Variants in CASD1 observed in about 807,000 individuals in gnomAD.
CASD1 encodes N-acetylneuraminate (7)9-O-acetyltransferase.
A neutral mutation model predicts 100.0 loss-of-function variants in CASD1; 41 were observed. That is an observed-to-expected ratio of 0.41 (90% CI 0.32 to 0.53). The LOEUF is 0.53. CASD1 is among the 20% of genes least tolerant of loss of function. CASD1 has a pLI of 0.25. For synonymous variants in CASD1, 321 were observed against 315.6 expected, an observed-to-expected ratio of 1.02 and a Z score of -0.18; for missense variants, 774 against 948.7, an observed-to-expected ratio of 0.82 and a Z score of 2.42.
chr7:94,577,013 G>T, the CASD1 span, among the ~76,000 whole-genome samples: 287 of 152,006 alleles, frequency 1.9e-3, 1 homozygote, highest in African/African-American at 6.8e-3. Flanking sequence ...TCTTTTTATT[G>T]ATATTCTCTA....
downstream of CASD1, among the ~76,000 whole-genome samples, chr7:94,562,009 A>G (rs971970273): frequency 3.9e-5 from 6 of 152,274 alleles, 1 homozygote; most frequent in Admixed American, 3.9e-4. Context: ...AAACAATTCT[A>G]TGAAACTCAT....
intron 1 of CASD1, among the ~76,000 whole-genome samples, chr7:94,511,853 G>A (rs944036806): frequency 5.3e-5 from 8 of 152,280 alleles, no homozygotes; most frequent in African/African-American, 1.9e-4. Flanking sequence ...TCTGTCATCA[G>A]CAGGGAGAAT....
chr7:94,618,974 G>C, the CASD1 span: 62 of 1,537,742 alleles, frequency 4.0e-5, no homozygotes, highest in Non-Finnish European at 5.5e-5. Flanking sequence ...TGGTGAAAAA[G>C]GGCATGCATA....
intron 5 of CASD1, among the ~76,000 whole-genome samples, chr7:94,531,706 AT>A (rs1794861327): frequency 6.6e-6 from 1 of 150,820 alleles, no homozygotes; most frequent in African/African-American, 2.5e-5. Context: ...GTAAGCATGT[AT>A]TACCTTTATA....
At chr7:94,563,324 G>A in the CASD1 span, among the ~76,000 whole-genome samples, 1 of 152,134 alleles carries the variant, frequency 6.6e-6, no homozygotes. Context: ...CCTCTGTGGA[G>A]ATAATAGTTA....
intron 14 of CASD1, among the ~76,000 whole-genome samples, chr7:94,551,101 C>G (rs1404327744): frequency 6.6e-6 from 1 of 152,010 alleles, no homozygotes; most frequent in Non-Finnish European, 1.5e-5. Context: ...TCAGAATCAA[C>G]CAGTGTTATC....
intron 17 of CASD1, among the ~76,000 whole-genome samples, 197 bp from the exon 18 acceptor site, chr7:94,555,295 A>C (rs1388884433): frequency 6.6e-6 from 1 of 152,018 alleles, no homozygotes; most frequent in East Asian, 1.9e-4. Flanking sequence ...CTCATTTATA[A>C]GAGAGATTGT....
chr7:94,546,148 T>C (rs1227530689), intron 12 of CASD1, among the ~76,000 whole-genome samples: 2 of 151,908 alleles, frequency 1.3e-5, no homozygotes, highest in Non-Finnish European at 1.5e-5. Context: ...TTTGCAAAAG[T>C]CTTCTTATGT....
Position 94,537,784 on chromosome 7 carries a change from C to T in CASD1, c.1156C>T (p.Arg386Cys), listed in dbSNP as rs17855797. 75 of 1,612,906 alleles carry T rather than the reference C, an allele frequency of 4.6e-5. No individual in the cohort carries two copies. The South Asian group carries it at 6.8e-4, about 15-fold the overall frequency. The change falls in exon 9 of 18, where the codon CGT (arginine) becomes TGT (cysteine). Residue 386 changes from arginine to cysteine, a missense_variant. Transcript: ENST00000297273. ...LIMAYFYMCD[R>C]ANLFMKENKF... Reference sequence around the variant, plus strand: ...TATGGCATATTTCTATATGTGTGACCGTGCAAATCTGTTCATGAAGGAAAA... The same window carrying T: ...TATGGCATATTTCTATATGTGTGACTGTGCAAATCTGTTCATGAAGGAAAA...
chr7:94,585,137 A>T, the CASD1 span: 5 of 208,280 alleles, frequency 2.4e-5, no homozygotes, highest in Admixed American at 5.3e-5. Context: ...GTGGAATGAG[A>T]ATGAACACAT....
intron 13 of CASD1, 81 bp from the exon 14 acceptor site, chr7:94,549,452 A>G (rs1204709544): frequency 8.3e-6 from 8 of 964,662 alleles, no homozygotes; most frequent in Non-Finnish European, 1.2e-5. Context: ...CAAACTTCAG[A>G]AAACTATAAT....
chr7:94,566,364 TAAACA>T, the CASD1 span, among the ~76,000 whole-genome samples: 5 of 151,484 alleles, frequency 3.3e-5, no homozygotes, highest in Non-Finnish European at 5.9e-5. Context: ...CTCAAGCATA[TAAACA>T]AAAGAAAGCA....
Position 94,533,187 on chromosome 7 carries a change from A to G in CASD1, c.460-18A>G. The G allele has an allele frequency of 6.3e-7, 1 of 1,593,826 alleles. No homozygotes were observed. The highest frequency in any genetic ancestry group is 8.6e-7 in the Non-Finnish European group (1 of 1,164,232). On this transcript the variant is annotated intron_variant, in intron 5 of 17. Transcript: ENST00000297273. ...TGAACTGATTATAATACTATGATAA[A>G]GATTTGTCTTCCTTTAGGATTCCAT...
At chr7:94,545,791 A>C (rs1795649295) in intron 12 of CASD1, 90 bp downstream of exon 12, 2 of 780,886 alleles carry the variant, frequency 2.6e-6, no homozygotes, top group South Asian at 2.1e-5. Flanking sequence ...ATTTTTATTA[A>C]GTGATGTAGA....
At chr7:94,617,445 A>G in the CASD1 span, 2 of 152,242 alleles carry the variant, frequency 1.3e-5, no homozygotes, top group East Asian at 1.9e-4. Context: ...ATTGTGGAAC[A>G]CATTACCTTA....
chr7:94,544,445 T>C lies in CASD1; in HGVS notation c.1391T>C (p.Val464Ala). 6.2e-7 allele frequency: 1 copy of C among 1,613,394 alleles called. No individual in the cohort carries two copies. Among genetic ancestry groups the C allele is most frequent in the Non-Finnish European group, 8.5e-7 (1 of 1,179,572 alleles). The change falls in exon 11 of 18, where the codon GTT becomes GCT. Residue 464 changes from valine to alanine, a missense_variant. Transcript: ENST00000297273. ...LPVYMHIRVL[V>A]AAYLFQTGYG... ...GTATACATGCACATTCGAGTTCTGG[T>C]TGCTGCATATTTATTTCAGACAGGG...
At chr7:94,587,006 CAA>C in the CASD1 span, 1 of 983,688 alleles carries the variant, frequency 1.0e-6, no homozygotes, top group Non-Finnish European at 1.2e-6. Context: ...TGTAAGAAAA[CAA>C]GAAGGTAATA....
chr7:94,566,368 C>G, the CASD1 span, among the ~76,000 whole-genome samples: 3 of 150,410 alleles, frequency 2.0e-5, no homozygotes, highest in African/African-American at 7.4e-5. Flanking sequence ...AGCATATAAA[C>G]AAAAGAAAGC....
the CASD1 span, chr7:94,603,584 C>T: frequency 2.0e-5 from 16 of 785,806 alleles, no homozygotes; most frequent in African/African-American, 1.1e-4. Flanking sequence ...GTAGGGGCCT[C>T]GGCTCTAAAA....
Sources: allele counts gnomAD v4.1 joint callset (sites outside exome capture counted in the v4.1 genomes callset), GRCh38; gene constraint gnomAD v4.1.1; transcripts MANE v1.5; gene names NCBI Gene and HGNC (gene_info 2026-07-23, HGNC 2026-07-21).